The following GALNT18 variants were observed in gnomAD, a reference collection of about 807,000 sequenced individuals.
GALNT18 encodes polypeptide N-acetylgalactosaminyltransferase 18, also known as GalNAc-transferase 18.
GALNT18 carries 44 observed loss-of-function variants against 69.5 expected under a neutral mutation model. That is an observed-to-expected ratio of 0.63 (90% CI 0.50 to 0.81). The LOEUF (loss-of-function observed/expected upper bound fraction) is 0.81, where lower values mean the gene tolerates loss of function less well. GALNT18 is among the 40% of genes least tolerant of loss of function. The pLI is 0.00. For missense variants in GALNT18, 715 were observed against 810.0 expected, an observed-to-expected ratio of 0.88 and a Z score of 1.42; for synonymous variants, 364 against 318.2, an observed-to-expected ratio of 1.14 and a Z score of -1.53.
In GALNT18 at chr11:11,332,035, T is replaced by G. The variant is rs7116877; in HGVS notation, c.1416+659A>C. ...ATTTTCTTTTACTCTACGGGGATAG[T>G]ATTGAATTACCCCCATTTAACAGGT... is the stretch of plus-strand genomic sequence containing the variant. On this transcript the variant is annotated intron_variant, in intron 8 of 10. Transcript: ENST00000227756. This position sits in a 1 kb window ranked among gnomAD's most constrained non-coding sequence, Gnocchi z 4.3. Among the ~76,000 whole-genome samples the G allele has an allele frequency of 0.041, 6,179 of 152,102 alleles. 204 individuals are homozygous for G. Among genetic ancestry groups the G allele is most frequent in the African/African-American group, 0.084 (3,475 of 41,476 alleles).
intron 1 of GALNT18, among the ~76,000 whole-genome samples, chr11:11,539,437 A>C (rs1169617985): frequency 6.6e-6 from 1 of 152,078 alleles, no homozygotes; most frequent in Non-Finnish European, 1.5e-5. Flanking sequence ...TGGCCTGGCC[A>C]CCCTTCCAGA....
chr11:11,464,348 C>G (rs974439762), intron 1 of GALNT18, among the ~76,000 whole-genome samples: 2 of 152,240 alleles, frequency 1.3e-5, no homozygotes, highest in African/African-American at 4.8e-5. Context: ...AAGGAGGACT[C>G]TGCTCAGAGG....
chr11:11,348,081 A>G (rs1361505173), intron 6 of GALNT18, among the ~76,000 whole-genome samples: 1 of 36,314 alleles, frequency 2.8e-5, no homozygotes, highest in Non-Finnish European at 1.3e-3. Context: ...CATGGGAATA[A>G]GAAAGAGAAG....
At chr11:11,369,969 G>C (rs751402796) in intron 6 of GALNT18, among the ~76,000 whole-genome samples, 2 of 152,100 alleles carry the variant, frequency 1.3e-5, no homozygotes, top group South Asian at 2.1e-4. Context: ...TGATATATCT[G>C]TCTAGTCCTT....
At chr11:11,354,063 C>T (rs950329165) in intron 6 of GALNT18, among the ~76,000 whole-genome samples, 1 of 152,206 alleles carries the variant, frequency 6.6e-6, no homozygotes, top group Non-Finnish European at 1.5e-5. Context: ...AGCTTCCCCT[C>T]TTAATCAAAT....
At chr11:11,329,166 T>A (rs1849976919) in intron 8 of GALNT18, among the ~76,000 whole-genome samples, 1 of 152,176 alleles carries the variant, frequency 6.6e-6, no homozygotes, top group African/African-American at 2.4e-5. Context: ...GTTATGAGGA[T>A]TAAGTGAAAC....
intron 3 of GALNT18, among the ~76,000 whole-genome samples, chr11:11,425,662 G>A (rs1277405430): frequency 6.6e-6 from 1 of 152,140 alleles, no homozygotes; most frequent in Non-Finnish European, 1.5e-5. Flanking sequence ...TGTGGGATGG[G>A]GCGAGGGAAC....
rs1310498248 is a variant in GALNT18 at position 11,338,776 on chromosome 11, A to G, written c.1278+2043T>C. On this transcript the variant is annotated intron_variant, in intron 7 of 10. Transcript: ENST00000227756. This position sits in a 1 kb window ranked among gnomAD's most constrained non-coding sequence, Gnocchi z 5.3. Reference sequence around the variant, plus strand: ...AGAGTAGATGATATTACCCAGGGAGATGCGGAATAATGAGAGCAGTCTGCC... The same window carrying G: ...AGAGTAGATGATATTACCCAGGGAGGTGCGGAATAATGAGAGCAGTCTGCC... Among the ~76,000 whole-genome samples the G allele has an allele frequency of 6.6e-6, 1 of 152,042 alleles. No individual in the cohort carries two copies. The highest frequency in any genetic ancestry group is 1.5e-5 in the Non-Finnish European group (1 of 68,014).
In GALNT18 at chr11:11,379,070, G is replaced by A; in HGVS notation, c.779+11C>T. 1.9e-6 allele frequency: 3 copies of A among 1,577,634 alleles called. No individual in the cohort carries two copies. Among genetic ancestry groups the A allele is most frequent in the Non-Finnish European group, 2.6e-6 (3 of 1,166,736 alleles). On this transcript the variant is annotated intron_variant, in intron 4 of 10. Coordinates refer to ENST00000227756, the MANE Select transcript of GALNT18 (RefSeq NM_198516.3). ...ACTGGGACTCCTCCTCCTCTCCCAA[G>A]GGGCACTTACCAGCCCACATTGAAC... is the stretch of plus-strand genomic sequence containing the variant.
intron 3 of GALNT18, among the ~76,000 whole-genome samples, chr11:11,394,275 C>T (rs1279435581): frequency 2.0e-5 from 3 of 152,132 alleles, no homozygotes; most frequent in Non-Finnish European, 4.4e-5. Context: ...GGTAGAAAAA[C>T]AGAATGCATA....
At chr11:11,510,966 A>G (rs898214736) in intron 1 of GALNT18, among the ~76,000 whole-genome samples, 3 of 151,994 alleles carry the variant, frequency 2.0e-5, no homozygotes, top group Non-Finnish European at 4.4e-5. Flanking sequence ...CTGTAGCTCT[A>G]ACATGAGGAT....
chr11:11,576,068 C>T (rs1858917277), intron 1 of GALNT18, among the ~76,000 whole-genome samples: 1 of 152,200 alleles, frequency 6.6e-6, no homozygotes, highest in South Asian at 2.1e-4. Flanking sequence ...GTTTCAGGCA[C>T]TTCCACTGAA....
rs1003937449 is a variant in GALNT18, at chr11:11,396,383, G to A, written c.596-17119C>T. ...TTAAATGATGTCATCAGCAGTGGGG[G>A]GAGGAGAAACGCATGAAATGGGTTA... On this transcript the variant is annotated intron_variant, in intron 3 of 10. Coordinates refer to ENST00000227756, the MANE Select transcript of GALNT18 (RefSeq NM_198516.3). The surrounding 1 kb of genome is among the most constrained non-coding windows in gnomAD (Gnocchi z 5.2). Among the ~76,000 whole-genome samples, 4 of 152,132 alleles carry A rather than the reference G, an allele frequency of 2.6e-5. No individual in the cohort carries two copies. Among genetic ancestry groups the A allele is most frequent in the African/African-American group, 7.2e-5 (3 of 41,416 alleles).
chr11:11,289,900 G>A (rs1849266867), intron 10 of GALNT18, among the ~76,000 whole-genome samples: 1 of 151,158 alleles, frequency 6.6e-6, no homozygotes, highest in Non-Finnish European at 1.5e-5. Flanking sequence ...ACCTCAAACT[G>A]TATAAGGCTG....
In GALNT18 at chr11:11,523,611, C is replaced by T. The variant is rs563793708; in HGVS notation, c.236-74675G>A. Among the ~76,000 whole-genome samples the T allele has an allele frequency of 3.3e-5, 5 of 151,068 alleles. No homozygotes were observed. Among genetic ancestry groups the T allele is most frequent in the East Asian group, 2.0e-4 (1 of 5,124 alleles). The stretch of plus-strand genomic sequence containing the variant: ...GTGGGCTCCTGTAGTCCCAGCTACT[C>T]GGGAGGCTGAGGCAGGAGAATGGTG... On this transcript the variant is annotated intron_variant, in intron 1 of 10. Coordinates refer to ENST00000227756, the MANE Select transcript of GALNT18 (RefSeq NM_198516.3). The surrounding 1 kb of genome is among the most constrained non-coding windows in gnomAD (Gnocchi z 4.3).
rs779815639 is a variant in GALNT18 at position 11,271,184 on chromosome 11, T to C, written c.1784A>G (p.His595Arg). Residue 595 changes from histidine (H) to arginine (R), a missense_variant, in exon 11 of 11, where the codon CAC becomes CGC. By Grantham distance (29) the His-to-Arg change is conservative. Coordinates refer to ENST00000227756, the MANE Select transcript of GALNT18 (RefSeq NM_198516.3). ...CCTCAGGACGTTGGTGATGCTCCAG[T>C]GCTGGCCCGAGCACTTCTGCAACAC... Reference protein sequence around the residue: ...QLVLQKCSGQHWSITNVLRSL... With the variant: ...QLVLQKCSGQRWSITNVLRSL... The C allele has an allele frequency of 6.2e-7, 1 of 1,614,052 alleles. No individual in the cohort carries two copies.
At chr11:11,524,493 C>T (rs955282247) in intron 1 of GALNT18, among the ~76,000 whole-genome samples, 1 of 152,286 alleles carries the variant, frequency 6.6e-6, no homozygotes, top group East Asian at 1.9e-4. Flanking sequence ...ATAAACTAGG[C>T]CCTAGCAGAA....
intron 1 of GALNT18, among the ~76,000 whole-genome samples, chr11:11,579,688 A>T (rs1859026886): frequency 6.6e-6 from 1 of 152,194 alleles, no homozygotes; most frequent in Admixed American, 6.5e-5. Context: ...AGATTAATTG[A>T]TAACCTGTCT....
Position 11,432,755 on chromosome 11 carries a change from G to A in GALNT18, c.461C>T (p.Pro154Leu). 1.2e-6 allele frequency: 2 copies of A among 1,614,106 alleles called. No individual in the cohort carries two copies. Among genetic ancestry groups the A allele is most frequent in the Non-Finnish European group, 1.7e-6 (2 of 1,179,994 alleles). ...GAAGATGAACACGATGCTCACCTCT[G>A]GCAGGCTGTCAGGAAATGAGAGGTT... ...CRNLSFPDSL[P>L]EVSIVFIFVN... Residue 154 changes from proline (P) to leucine (L), a missense_variant, in exon 3 of 11, where the codon CCA becomes CTA. By Grantham distance (98) the Pro-to-Leu change is moderately conservative (BLOSUM62 -3). Coordinates refer to ENST00000227756, the MANE Select transcript of GALNT18 (RefSeq NM_198516.3). This position sits in a 1 kb window ranked among gnomAD's most constrained non-coding sequence, Gnocchi z 5.8.
Sources: gnomAD v4.1 joint callset for allele counts (sites outside exome capture counted in the v4.1 genomes callset) on GRCh38, gnomAD v4.1.1 for gene constraint, Gnocchi (gnomAD v3.1) non-coding constraint, MANE v1.5 for transcripts, NCBI Gene and HGNC (gene_info 2026-07-23, HGNC 2026-07-21) for gene names.